Variants in ATG7 observed in about 807,000 individuals in gnomAD.
The protein encoded by ATG7 is ubiquitin-like modifier-activating enzyme ATG7.
ATG7 carries 70 observed loss-of-function variants against 82.4 expected under a neutral mutation model. The ratio of observed to expected loss-of-function variants is 0.85; its 90% CI spans 0.70 to 1.04. ATG7 has a LOEUF of 1.04. Among genes scored for constraint, ATG7 ranks in the 50% least tolerant of loss-of-function variants. The pLI, the probability that ATG7 is intolerant of heterozygous loss-of-function variation, is 0.00. For synonymous variants in ATG7, 287 were observed against 313.0 expected, an observed-to-expected ratio of 0.92 and a Z score of 0.88; for missense variants, 792 against 864.3, an observed-to-expected ratio of 0.92 and a Z score of 1.05.
At chr3:11,358,343 C>T in intron 14 of ATG7, 75 bp from the exon 15 acceptor site, 2 of 1,431,624 alleles carry the variant, frequency 1.4e-6, no homozygotes, top group South Asian at 1.3e-5. Context: ...GTGCAGGCAG[C>T]TGTGGGAAGT....
At chr3:11,417,805 A>ATTT (rs200364263) in intron 19 of ATG7, among the ~76,000 whole-genome samples, 2,426 of 51,710 alleles carry the variant, frequency 0.047, 70 homozygotes, top group South Asian at 0.16. Flanking sequence ...TTATTATTTT[A>ATTT]TTTTATTTTA....
chr3:11,560,575 T>C (rs748142147), downstream of ATG7, among the ~76,000 whole-genome samples: 62 of 152,182 alleles, frequency 4.1e-4, no homozygotes, highest in Non-Finnish European at 7.2e-4. Flanking sequence ...ACGACAGTGA[T>C]TGGGAATGGT....
At position 11,403,250 on chromosome 3, in the gene ATG7, G is replaced by T. The variant is rs151195420; in HGVS notation, c.1956+23198G>T. ...TATCAATCTGAGGAAGTCTTGACAA[G>T]AGTCTTTTGGAGTGCGGAGAGGAAG... On this transcript the variant is annotated intron_variant, in intron 19 of 20. Coordinates refer to ENST00000693202, the MANE Select transcript of ATG7 (RefSeq NM_001349232.2). Among the ~76,000 whole-genome samples, 448 of 152,184 alleles carry T rather than the reference G, an allele frequency of 2.9e-3. 1 individual carries two copies. Among genetic ancestry groups the T allele is most frequent in the African/African-American group, 0.01 (427 of 41,488 alleles).
intron 20 of ATG7, chr3:11,510,185 G>A: frequency 4.4e-6 from 2 of 456,448 alleles, no homozygotes; most frequent in South Asian, 3.1e-5. Context: ...CCCCTTTCAG[G>A]ATCATCTTTC....
the ATG7 span, among the ~76,000 whole-genome samples, chr3:11,562,744 C>T: frequency 6.6e-6 from 1 of 152,256 alleles, no homozygotes; most frequent in African/African-American, 2.4e-5. Context: ...GACTGACCAA[C>T]CCCAGCCGAA....
intron 12 of ATG7, among the ~76,000 whole-genome samples, chr3:11,341,763 T>C (rs752981459): frequency 6.6e-6 from 1 of 152,190 alleles, no homozygotes; most frequent in Non-Finnish European, 1.5e-5. Flanking sequence ...GCAGGAGATA[T>C]GGGAGGCCTT....
At chr3:11,469,492 A>G (rs1320861325) in intron 20 of ATG7, among the ~76,000 whole-genome samples, 1 of 151,800 alleles carries the variant, frequency 6.6e-6, no homozygotes, top group Non-Finnish European at 1.5e-5. Context: ...CAACAAACCT[A>G]CCTATTAGTC....
intron 20 of ATG7, among the ~76,000 whole-genome samples, chr3:11,492,017 T>C (rs964301608): frequency 6.6e-6 from 1 of 152,200 alleles, no homozygotes; most frequent in Non-Finnish European, 1.5e-5. Context: ...GCTGCTTTGT[T>C]TACCTAAGCA....
chr3:11,521,753 T>C lies in ATG7; in HGVS notation c.2080-33058T>C, dbSNP rs370118925. ...ATTTTTAGTAGAGACGGGGTTTCAC[T>C]GTGTTAGCCAGGATGGTCTCGATCT... On this transcript the variant is annotated intron_variant, in intron 20 of 20. Coordinates refer to ENST00000693202, the MANE Select transcript of ATG7 (RefSeq NM_001349232.2). Among the ~76,000 whole-genome samples, 259 of 151,714 alleles carry C rather than the reference T, an allele frequency of 1.7e-3. 1 individual carries two copies. Among genetic ancestry groups the C allele is most frequent in the African/African-American group, 6.1e-3 (252 of 41,370 alleles).
intron 20 of ATG7, among the ~76,000 whole-genome samples, chr3:11,485,548 A>G (rs1375302303): frequency 6.6e-6 from 1 of 152,174 alleles, no homozygotes; most frequent in Non-Finnish European, 1.5e-5. Flanking sequence ...TAGTTTAATT[A>G]GATCCCATTT....
At chr3:11,368,344 T>G (rs757370320) in intron 18 of ATG7, among the ~76,000 whole-genome samples, 6 of 151,898 alleles carry the variant, frequency 4.0e-5, no homozygotes, top group Non-Finnish European at 5.9e-5. Flanking sequence ...GGTTCTTTGG[T>G]AGGAGGCACA....
intron 18 of ATG7, among the ~76,000 whole-genome samples, chr3:11,373,411 C>T (rs1184971632): frequency 2.0e-5 from 3 of 152,122 alleles, no homozygotes; most frequent in Non-Finnish European, 4.4e-5. Flanking sequence ...CAGAGCAAAC[C>T]ACGGGAGGGT....
intron 20 of ATG7, among the ~76,000 whole-genome samples, chr3:11,551,203 TCTC>T (rs1426294177): frequency 6.6e-6 from 1 of 152,228 alleles, no homozygotes; most frequent in Non-Finnish European, 1.5e-5. Context: ...TGACGCACCC[TCTC>T]CTCCTCGGGG....
intron 19 of ATG7, among the ~76,000 whole-genome samples, chr3:11,381,995 A>G (rs2077938855): frequency 6.6e-6 from 1 of 152,222 alleles, no homozygotes; most frequent in Admixed American, 6.5e-5. Context: ...TATATTTAGT[A>G]TAATACATGT....
chr3:11,498,609 G>T (rs12107908), intron 20 of ATG7, among the ~76,000 whole-genome samples: 30,419 of 152,088 alleles, frequency 0.2, 3,495 homozygotes, highest in South Asian at 0.34. Flanking sequence ...AGCTTCTAAC[G>T]CCTCAGCTGG....
At chr3:11,451,066 T>C (rs1230721112) in intron 20 of ATG7, among the ~76,000 whole-genome samples, 1 of 152,128 alleles carries the variant, frequency 6.6e-6, no homozygotes, top group African/African-American at 2.4e-5. Flanking sequence ...AGGACAAATA[T>C]TTATTTGACC....
intron 8 of ATG7, among the ~76,000 whole-genome samples, chr3:11,314,426 C>T (rs1004450917): frequency 6.2e-5 from 7 of 112,264 alleles, no homozygotes; most frequent in Non-Finnish European, 1.3e-4. Context: ...TGTTGTTGTT[C>T]GTACAAATCC....
At position 11,465,262 on chromosome 3, in the gene ATG7, C is replaced by T. The variant is rs200289713; in HGVS notation, c.2079+38336C>T. ...CAGATCGAGACCATCCTGGCTAACA[C>T]GGTGAAACCCCATCTCTACTAAAAA... is the stretch of plus-strand genomic sequence containing the variant. On this transcript the variant is annotated intron_variant, in intron 20 of 20. Transcript: ENST00000693202. Among the ~76,000 whole-genome samples the T allele has an allele frequency of 7.3e-5, 11 of 151,572 alleles. No homozygotes were observed. In the East Asian group the frequency reaches 7.8e-4, roughly 11 times the overall value.
intron 20 of ATG7, among the ~76,000 whole-genome samples, chr3:11,455,928 C>CT (rs1353348141): frequency 6.6e-6 from 1 of 152,202 alleles, no homozygotes; most frequent in South Asian, 2.1e-4. Context: ...TGTATCCCTT[C>CT]TTTGAACCCC....
Sources: allele counts gnomAD v4.1 joint callset (sites outside exome capture counted in the v4.1 genomes callset), GRCh38; gene constraint gnomAD v4.1.1; transcripts MANE v1.5; gene names NCBI Gene and HGNC (gene_info 2026-07-23, HGNC 2026-07-21).